DCTN4: variants seen among roughly 807,000 people sequenced by gnomAD.
DCTN4 encodes the protein dynactin subunit 4, also known as dynactin 4 (p62).
DCTN4 carries 23 observed loss-of-function variants against 62.7 expected under a neutral mutation model. The ratio of observed to expected loss-of-function variants is 0.37; its 90% CI spans 0.26 to 0.52. DCTN4 has a LOEUF of 0.52. Among genes scored for constraint, DCTN4 ranks in the 20% least tolerant of loss-of-function variants. The pLI, the probability that DCTN4 is intolerant of heterozygous loss-of-function variation, is 0.92. For synonymous variants in DCTN4, 199 were observed against 202.1 expected, an observed-to-expected ratio of 0.98 and a Z score of 0.13; for missense variants, 514 against 580.4, an observed-to-expected ratio of 0.89 and a Z score of 1.18.
chr5:150,719,242 A>G (rs955633259), intron 10 of DCTN4, among the ~76,000 whole-genome samples: 4 of 152,160 alleles, frequency 2.6e-5, no homozygotes, highest in Admixed American at 6.5e-5. Context: ...TGTTTTCAGG[A>G]GCAGCATGAA....
chr5:150,731,078 T>C lies in DCTN4; in HGVS notation c.690A>G (p.Glu230=). 2 of 1,610,336 alleles carry C rather than the reference T, an allele frequency of 1.2e-6. No homozygotes were observed. Among genetic ancestry groups the C allele is most frequent in the Non-Finnish European group, 1.7e-6 (2 of 1,176,558 alleles). The change falls in exon 7 of 13, where the codon GAA becomes GAG. Residue 230 remains glutamate (E), a synonymous_variant. Transcript: ENST00000447998. ...QAVDEVEPLP[E]DYYTRPVNLT... Reference sequence around the variant, plus strand: ...AATTTACTGGTCTTGTATAATAGTCTTCAGGTAGAGGTTCCACTTCATCCA... The same window carrying C: ...AATTTACTGGTCTTGTATAATAGTCCTCAGGTAGAGGTTCCACTTCATCCA...
In DCTN4 at chr5:150,712,970, T is replaced by C. The variant is rs192215358; in HGVS notation, c.1170-1608A>G. On this transcript the variant is annotated intron_variant, in intron 12 of 12. Coordinates refer to ENST00000447998, the MANE Select transcript of DCTN4 (RefSeq NM_016221.4). ...AGTTTTTAATTACTCTATCATGTAA[T>C]CAGGCTGAAATCTGATATCTCAGAC... 6.8e-4 allele frequency among the ~76,000 whole-genome samples: 103 copies of C among 152,336 alleles called. 3 individuals are homozygous for C. In the South Asian group the frequency reaches 0.011, roughly 16 times the overall value.
At chr5:150,721,925 AG>A (rs2113017307) in intron 9 of DCTN4, among the ~76,000 whole-genome samples, 1 of 152,250 alleles carries the variant, frequency 6.6e-6, no homozygotes, top group Non-Finnish European at 1.5e-5. Context: ...CCTGGGCTCA[AG>A]GGGTCCTCTC....
chr5:150,732,099 C>A (rs752425813), intron 5 of DCTN4, among the ~76,000 whole-genome samples: 1 of 152,114 alleles, frequency 6.6e-6, no homozygotes, highest in Non-Finnish European at 1.5e-5. Flanking sequence ...CAGAAAAATT[C>A]ACTTCTTTTT....
chr5:150,752,788 T>C (rs1375239626), intron 3 of DCTN4, among the ~76,000 whole-genome samples: 1 of 152,210 alleles, frequency 6.6e-6, no homozygotes, highest in South Asian at 2.1e-4. Context: ...CTTATAAGCG[T>C]TCCTCATTTC....
At chr5:150,741,534 G>A (rs138844273) in intron 4 of DCTN4, among the ~76,000 whole-genome samples, 93 of 152,108 alleles carry the variant, frequency 6.1e-4, no homozygotes, top group East Asian at 2.1e-3. Context: ...AGGATGGAGC[G>A]TGGTGGTATG....
chr5:150,748,282 A>G (rs1363782960), intron 3 of DCTN4, among the ~76,000 whole-genome samples: 3 of 149,576 alleles, frequency 2.0e-5, no homozygotes, highest in Admixed American at 1.3e-4. Context: ...AAAAGTCAGG[A>G]AACAACAGGT....
chr5:150,758,693 C>T lies in DCTN4; in HGVS notation c.135+166G>A, dbSNP rs578004192. 3.1e-5 allele frequency: 41 copies of T among 1,323,194 alleles called. No individual in the cohort carries two copies. In the African/African-American group the frequency reaches 5.4e-4, roughly 18 times the overall value. 82.0% of individuals were successfully genotyped at this position (1,323,194 alleles called of 1,614,324 possible). ...TCCCACCCGAGGCTGCTCCTCCTTT[C>T]CAAGTGACAGATTAGAAGCAAATTA... On this transcript the variant is annotated intron_variant, in intron 1 of 12. Transcript: ENST00000447998.
rs754780098 is a variant in DCTN4 at position 150,731,112 on chromosome 5, G to C, written c.656C>G (p.Ala219Gly). ...EDQKEIKIEP[A>G]QAVDEVEPLP... Reference sequence around the variant, plus strand: ...AGGTTCCACTTCATCCACAGCCTGAGCTGGCTCAATCTTTATCTCTTTCTG... The same window carrying C: ...AGGTTCCACTTCATCCACAGCCTGACCTGGCTCAATCTTTATCTCTTTCTG... The change falls in exon 7 of 13, where the codon GCT becomes GGT. Residue 219 changes from alanine to glycine, a missense_variant. By Grantham distance (60) the Ala-to-Gly change is moderately conservative (BLOSUM62 0). Coordinates refer to ENST00000447998, the MANE Select transcript of DCTN4 (RefSeq NM_016221.4). The C allele has an allele frequency of 6.2e-7, 1 of 1,613,116 alleles. No homozygotes were observed. The highest frequency in any genetic ancestry group is 1.7e-5 in the Admixed American group (1 of 59,984).
Position 150,756,505 on chromosome 5 carries a change from A to AC in DCTN4, c.136-19_136-18insG. 6.5e-7 allele frequency: 1 copy of AC among 1,542,480 alleles called. No individual in the cohort carries two copies. Among genetic ancestry groups the AC allele is most frequent in the Non-Finnish European group, 8.8e-7 (1 of 1,137,110 alleles). On this transcript the variant is annotated intron_variant, in intron 1 of 12. Coordinates refer to ENST00000447998, the MANE Select transcript of DCTN4 (RefSeq NM_016221.4). ...GAGTCCACCTAGGAGGAAACAAGAA[A>AC]GAAAAAAAAAACCAGAGGAGAACTC...
In DCTN4 at chr5:150,722,945, G is replaced by A; in HGVS notation, c.870C>T (p.Asn290=). The A allele has an allele frequency of 1.2e-6, 2 of 1,612,742 alleles. No individual in the cohort carries two copies. The highest frequency in any genetic ancestry group is 1.7e-6 in the Non-Finnish European group (2 of 1,179,390). Residue 290 remains asparagine, a synonymous_variant, in exon 9 of 13, where the codon AAC becomes AAT. Transcript: ENST00000447998. ...CEHNLSKPEF[N]PTSIKFKIQL... is the part of the protein sequence containing the mutation. ...GGATTTTGAATTTGATTGACGTTGGGTTAAATTCTGGCTTGCTCAAATTAT... is the reference window on the plus strand; with the variant it reads ...GGATTTTGAATTTGATTGACGTTGGATTAAATTCTGGCTTGCTCAAATTAT...
chr5:150,714,802 A>G (rs1759696349), intron 12 of DCTN4, among the ~76,000 whole-genome samples: 1 of 152,104 alleles, frequency 6.6e-6, no homozygotes, highest in African/African-American at 2.4e-5. Context: ...GTTCCCCTTC[A>G]GCTCACTGGA....
At position 150,712,000 on chromosome 5, in the gene DCTN4, T is replaced by C. The variant is rs191743299; in HGVS notation, c.1170-638A>G. Reference sequence around the variant, plus strand: ...GTATTCAATTATGTGTTTACCATAATTGGCATATACTGAGGTTGCTGACAA... The same window carrying C: ...GTATTCAATTATGTGTTTACCATAACTGGCATATACTGAGGTTGCTGACAA... On this transcript the variant is annotated intron_variant, in intron 12 of 12. Coordinates refer to ENST00000447998, the MANE Select transcript of DCTN4 (RefSeq NM_016221.4). Among the ~76,000 whole-genome samples the C allele has an allele frequency of 3.0e-3, 464 of 152,334 alleles. 3 individuals are homozygous for C. The highest frequency in any genetic ancestry group is 0.011 in the African/African-American group (441 of 41,576).
chr5:150,712,146 T>C (rs1001586905), intron 12 of DCTN4, among the ~76,000 whole-genome samples: 1 of 152,206 alleles, frequency 6.6e-6, no homozygotes, highest in African/African-American at 2.4e-5. Context: ...ATTTATTTTT[T>C]TGAGATGGAG....
chr5:150,738,348 T>G (rs185245299), intron 4 of DCTN4, among the ~76,000 whole-genome samples: 44 of 152,264 alleles, frequency 2.9e-4, no homozygotes, highest in African/African-American at 1.1e-3. Context: ...CTGATGAACA[T>G]GGATGCAAAA....
intron 3 of DCTN4, among the ~76,000 whole-genome samples, chr5:150,743,862 A>G: frequency 6.6e-6 from 1 of 152,228 alleles, no homozygotes. Context: ...GAAAAACTGG[A>G]AACTCTAAAA....
intron 3 of DCTN4, among the ~76,000 whole-genome samples, chr5:150,749,466 T>A (rs1752591331): frequency 6.6e-6 from 1 of 152,138 alleles, no homozygotes; most frequent in African/African-American, 2.4e-5. Flanking sequence ...GTCAAGGGAT[T>A]GGAACTCTCC....
At chr5:150,758,114 G>A (rs1752930166) in intron 1 of DCTN4, 2 of 985,380 alleles carry the variant, frequency 2.0e-6, no homozygotes, top group Non-Finnish European at 2.4e-6. Flanking sequence ...TGTCTTACTC[G>A]CCTTTTAATC....
intron 4 of DCTN4, among the ~76,000 whole-genome samples, chr5:150,737,436 T>A (rs1295050886): frequency 1.3e-5 from 2 of 152,108 alleles, no homozygotes; most frequent in Non-Finnish European, 2.9e-5. Context: ...AGCAGTGGAA[T>A]AAAATGGAAA....
Sources: gnomAD v4.1 joint callset for allele counts (sites outside exome capture counted in the v4.1 genomes callset) on GRCh38, gnomAD v4.1.1 for gene constraint, MANE v1.5 for transcripts, NCBI Gene and HGNC (gene_info 2026-07-23, HGNC 2026-07-21) for gene names.